The following KCNH7 variants were observed in gnomAD, a reference collection of about 807,000 sequenced individuals.
The protein encoded by KCNH7 is voltage-gated inwardly rectifying potassium channel KCNH7.
A neutral mutation model predicts 120.8 loss-of-function variants in KCNH7; 49 were observed. The observed-to-expected ratio is 0.41, with a 90% CI of 0.32 to 0.51. The LOEUF (loss-of-function observed/expected upper bound fraction) is 0.51, where lower values mean the gene tolerates loss of function less well. KCNH7 is among the 20% of genes least tolerant of loss of function. The pLI, the probability that KCNH7 is intolerant of heterozygous loss-of-function variation, is 0.38. For synonymous variants in KCNH7, 547 were observed against 516.1 expected, an observed-to-expected ratio of 1.06 and a Z score of -0.81; for missense variants, 1,097 against 1,446.6, an observed-to-expected ratio of 0.76 and a Z score of 3.92.
At chr2:162,691,557 C>G (rs1281899118) in intron 2 of KCNH7, among the ~76,000 whole-genome samples, 1 of 152,066 alleles carries the variant, frequency 6.6e-6, no homozygotes, top group Non-Finnish European at 1.5e-5. Flanking sequence ...TTTGTAATAA[C>G]AATTTTATAG....
intron 5 of KCNH7, among the ~76,000 whole-genome samples, chr2:162,510,434 T>C (rs1377539454): frequency 2.0e-5 from 3 of 151,542 alleles, no homozygotes; most frequent in East Asian, 3.9e-4. Flanking sequence ...GTTAGCTCTT[T>C]GTGTAACAGG....
chr2:162,536,301 T>C (rs1326801853), intron 3 of KCNH7, among the ~76,000 whole-genome samples: 1 of 151,976 alleles, frequency 6.6e-6, no homozygotes, highest in East Asian at 1.9e-4. Context: ...AAGAAATGGA[T>C]AGTTGATAAA....
chr2:162,555,988 T>C (rs1256366528), intron 2 of KCNH7, among the ~76,000 whole-genome samples: 1 of 152,112 alleles, frequency 6.6e-6, no homozygotes, highest in African/African-American at 2.4e-5. Flanking sequence ...ATATTATTAA[T>C]AAATTAGAAC....
intron 2 of KCNH7, among the ~76,000 whole-genome samples, chr2:162,600,937 G>A (rs943036182): frequency 3.9e-5 from 6 of 152,078 alleles, no homozygotes; most frequent in Admixed American, 2.0e-4. Flanking sequence ...CCATGGAGTA[G>A]TGATGTCTCC....
chr2:162,726,289 T>C (rs1687516551), intron 2 of KCNH7, among the ~76,000 whole-genome samples: 1 of 152,218 alleles, frequency 6.6e-6, no homozygotes, highest in Non-Finnish European at 1.5e-5. Context: ...AAGGTAAGTG[T>C]TTATTTCCCT....
intron 2 of KCNH7, among the ~76,000 whole-genome samples, chr2:162,783,171 G>T (rs1559132054): frequency 6.6e-6 from 1 of 152,170 alleles, no homozygotes; most frequent in Admixed American, 6.5e-5. Context: ...TTCCTTGGCA[G>T]ACCCATCTGG....
chr2:162,593,088 C>T (rs1476811933), intron 2 of KCNH7, among the ~76,000 whole-genome samples: 3 of 152,024 alleles, frequency 2.0e-5, no homozygotes, highest in African/African-American at 4.8e-5. Flanking sequence ...ACTTATGAGC[C>T]ACACAAGGTC....
intron 2 of KCNH7, among the ~76,000 whole-genome samples, chr2:162,574,939 G>A (rs559578258): frequency 6.6e-6 from 1 of 152,222 alleles, no homozygotes; most frequent in South Asian, 2.1e-4. Flanking sequence ...TGCTCAGGTA[G>A]ATGAGAATAC....
chr2:162,487,409 G>A (rs1487613724), intron 6 of KCNH7, among the ~76,000 whole-genome samples: 3 of 152,130 alleles, frequency 2.0e-5, no homozygotes, highest in Non-Finnish European at 4.4e-5. Context: ...GGTCACAAAT[G>A]GAATGGAGTT....
chr2:162,672,259 C>T (rs1158476486), intron 2 of KCNH7, among the ~76,000 whole-genome samples: 1 of 151,970 alleles, frequency 6.6e-6, no homozygotes, highest in East Asian at 1.9e-4. Flanking sequence ...AAATAATAGG[C>T]ATAAAGTAAC....
chr2:162,493,191 G>C (rs1241467454), intron 6 of KCNH7, among the ~76,000 whole-genome samples: 2 of 152,048 alleles, frequency 1.3e-5, no homozygotes, highest in Non-Finnish European at 2.9e-5. Flanking sequence ...GCTATACCCT[G>C]AGTCCAGTAA....
chr2:162,478,441 A>T (rs1437015137), intron 6 of KCNH7, among the ~76,000 whole-genome samples: 1 of 152,194 alleles, frequency 6.6e-6, no homozygotes, highest in Non-Finnish European at 1.5e-5. Flanking sequence ...TGTTTGGAAT[A>T]AAATGTTGTA....
intron 7 of KCNH7, among the ~76,000 whole-genome samples, chr2:162,440,148 C>G (rs77980152): frequency 0.012 from 1,829 of 151,632 alleles, 33 homozygotes; most frequent in African/African-American, 0.042. Flanking sequence ...TTTTAGTAAA[C>G]ATTTTTAAGA....
intron 2 of KCNH7, among the ~76,000 whole-genome samples, chr2:162,747,619 A>G (rs910707416): frequency 4.6e-5 from 7 of 152,174 alleles, no homozygotes; most frequent in Non-Finnish European, 7.4e-5. Context: ...TCAAGAGGGT[A>G]TAAGACTGGC....
intron 14 of KCNH7, among the ~76,000 whole-genome samples, chr2:162,379,460 T>A (rs890963141): frequency 2.0e-5 from 3 of 152,192 alleles, no homozygotes; most frequent in African/African-American, 7.2e-5. Context: ...TTGTCAGTAT[T>A]TTTTAAATGC....
chr2:162,650,710 G>T (rs1401448374), intron 2 of KCNH7, among the ~76,000 whole-genome samples: 1 of 122,868 alleles, frequency 8.1e-6, no homozygotes, highest in Non-Finnish European at 1.5e-5. Context: ...CCATCAGCAT[G>T]ACTGTTTATT....
At chr2:162,557,756 T>C (rs1008548695) in intron 2 of KCNH7, among the ~76,000 whole-genome samples, 3 of 152,128 alleles carry the variant, frequency 2.0e-5, no homozygotes, top group African/African-American at 4.8e-5. Flanking sequence ...TTATAAACAA[T>C]GCGGAATACG....
intron 2 of KCNH7, among the ~76,000 whole-genome samples, chr2:162,764,143 C>T (rs568734659): frequency 4.7e-4 from 72 of 152,116 alleles, no homozygotes; most frequent in Admixed American, 9.8e-4. Flanking sequence ...TGCAACTGTA[C>T]GATTCCTTAA....
intron 2 of KCNH7, among the ~76,000 whole-genome samples, chr2:162,726,699 C>T (rs548839610): frequency 5.9e-5 from 9 of 152,314 alleles, no homozygotes; most frequent in African/African-American, 1.4e-4. Context: ...GGATAACAGC[C>T]GTGAGACATG....
Sources: gnomAD v4.1 joint callset for allele counts (sites outside exome capture counted in the v4.1 genomes callset) on GRCh38, gnomAD v4.1.1 for gene constraint, MANE v1.5 for transcripts, NCBI Gene and HGNC (gene_info 2026-07-23, HGNC 2026-07-21) for gene names.